The following LINGO2 variants were observed in gnomAD, a reference collection of about 807,000 sequenced individuals.
LINGO2 encodes leucine rich repeat and Ig domain containing 2, also known as leucine-rich repeat and immunoglobulin-like domain-containing nogo receptor-interacting protein 2.
A neutral mutation model predicts 30.6 loss-of-function variants in LINGO2; 14 were observed. The ratio of observed to expected loss-of-function variants is 0.46; its 90% confidence interval spans 0.30 to 0.72. The LOEUF (loss-of-function observed/expected upper bound fraction) is 0.72. Ranked by LOEUF, LINGO2 falls within the 30% of genes least tolerant of loss-of-function variation. LINGO2 has a pLI of 0.07. For synonymous variants in LINGO2, 317 were observed against 288.5 expected (o/e 1.10, Z -1.00); for missense variants, 729 against 751.7 (o/e 0.97, Z 0.35).
intron 4 of LINGO2, among the ~76,000 whole-genome samples, chr9:28,186,970 G>A (rs1014674585): frequency 2.6e-5 from 4 of 152,096 alleles, no homozygotes; most frequent in Non-Finnish European, 5.9e-5. Context: ...GCCAAAAAGT[G>A]ACATGATCTC....
chr9:28,548,278 C>T (rs1455326727), intron 1 of LINGO2, among the ~76,000 whole-genome samples: 2 of 152,100 alleles, frequency 1.3e-5, no homozygotes, highest in African/African-American at 4.8e-5. Flanking sequence ...GGGGCTTACA[C>T]CTGTTTGAGG....
At chr9:28,218,799 G>A (rs1052380851) in intron 4 of LINGO2, among the ~76,000 whole-genome samples, 2 of 152,090 alleles carry the variant, frequency 1.3e-5, no homozygotes, top group Admixed American at 6.6e-5. Context: ...ATGAGACCCT[G>A]ATATGCTAAT....
At chr9:28,875,805 A>G in the LINGO2 span, among the ~76,000 whole-genome samples, 1,208 of 152,208 alleles carry the variant, frequency 7.9e-3, 21 homozygotes, top group African/African-American at 0.028. Flanking sequence ...AGATTCTCTT[A>G]TTTGAATGTG....
chr9:28,150,882 A>G (rs978027459), intron 4 of LINGO2, among the ~76,000 whole-genome samples: 6 of 152,236 alleles, frequency 3.9e-5, no homozygotes, highest in African/African-American at 1.2e-4. Context: ...AAACAGGTCA[A>G]TAATCATAGA....
chr9:28,170,409 G>A (rs1828551033), intron 4 of LINGO2, among the ~76,000 whole-genome samples: 1 of 152,166 alleles, frequency 6.6e-6, no homozygotes, highest in South Asian at 2.1e-4. Context: ...TCAGTGGCAG[G>A]AAAACAGCTA....
the LINGO2 span, among the ~76,000 whole-genome samples, chr9:28,894,665 A>T: frequency 0.85 from 129,197 of 151,724 alleles, 55,187 homozygotes; most frequent in Non-Finnish European, 0.89. Flanking sequence ...TTACATTTTA[A>T]TAATATATAA....
chr9:28,213,870 C>T (rs1441948246), intron 4 of LINGO2, among the ~76,000 whole-genome samples: 2 of 151,364 alleles, frequency 1.3e-5, no homozygotes, highest in African/African-American at 2.4e-5. Context: ...AATGGCAATC[C>T]TTTAGCTTGC....
intron 3 of LINGO2, among the ~76,000 whole-genome samples, chr9:28,342,947 A>C (rs1284083902): frequency 6.6e-6 from 1 of 152,134 alleles, no homozygotes; most frequent in East Asian, 1.9e-4. Context: ...GAGTGGCTTT[A>C]TCATGAGACA....
chr9:28,744,954 T>G, the LINGO2 span, among the ~76,000 whole-genome samples: 1 of 151,978 alleles, frequency 6.6e-6, no homozygotes, highest in Admixed American at 6.6e-5. Flanking sequence ...TATTTTATTC[T>G]AACTACCCAG....
chr9:28,918,719 G>A, the LINGO2 span, among the ~76,000 whole-genome samples: 1 of 152,114 alleles, frequency 6.6e-6, no homozygotes, highest in African/African-American at 2.4e-5. Context: ...CGTTCCAAAT[G>A]TCTTTTTGCC....
intron 1 of LINGO2, among the ~76,000 whole-genome samples, chr9:28,557,589 C>T (rs867948363): frequency 3.4e-4 from 52 of 151,946 alleles, no homozygotes; most frequent in Non-Finnish European, 5.9e-4. Flanking sequence ...GTCAGTGTGG[C>T]GATTCCTCAG....
chr9:29,059,935 G>T, the LINGO2 span, among the ~76,000 whole-genome samples: 1 of 151,978 alleles, frequency 6.6e-6, no homozygotes, highest in Admixed American at 6.6e-5. Flanking sequence ...CAGCTGAATG[G>T]CAGGGTAAGC....
chr9:28,289,294 G>C (rs961691572), intron 4 of LINGO2, among the ~76,000 whole-genome samples: 3 of 152,106 alleles, frequency 2.0e-5, no homozygotes, highest in African/African-American at 7.2e-5. Flanking sequence ...CTTTAACCAT[G>C]AAAACATACT....
At chr9:28,314,098 C>A (rs1162378478) in intron 3 of LINGO2, among the ~76,000 whole-genome samples, 1 of 152,168 alleles carries the variant, frequency 6.6e-6, no homozygotes, top group Non-Finnish European at 1.5e-5. Flanking sequence ...CCTCGCCCGG[C>A]TAATTTTTTG....
intron 1 of LINGO2, among the ~76,000 whole-genome samples, chr9:28,663,529 G>A (rs529153368): frequency 6.6e-6 from 1 of 152,154 alleles, no homozygotes; most frequent in South Asian, 2.1e-4. Flanking sequence ...TGCAACAAAG[G>A]CAAACAACAA....
chr9:28,872,769 A>C, the LINGO2 span, among the ~76,000 whole-genome samples: 1 of 152,148 alleles, frequency 6.6e-6, no homozygotes, highest in Non-Finnish European at 1.5e-5. Context: ...CTGCACCTAC[A>C]ATCTTGCTAC....
intron 1 of LINGO2, among the ~76,000 whole-genome samples, chr9:28,626,130 G>C (rs1826662286): frequency 6.6e-6 from 1 of 152,080 alleles, no homozygotes; most frequent in Non-Finnish European, 1.5e-5. Flanking sequence ...TTGTTGCACA[G>C]TTTTATCTCA....
intron 4 of LINGO2, among the ~76,000 whole-genome samples, chr9:28,038,879 T>C (rs768524731): frequency 2.0e-5 from 3 of 152,266 alleles, no homozygotes; most frequent in Non-Finnish European, 2.9e-5. Flanking sequence ...TATTTGTTTC[T>C]GTATTCACTT....
chr9:29,065,748 C>T, the LINGO2 span, among the ~76,000 whole-genome samples: 2 of 151,894 alleles, frequency 1.3e-5, no homozygotes, highest in Non-Finnish European at 2.9e-5. Flanking sequence ...TATGAATATG[C>T]TAAATTTCCA....
Sources: allele counts gnomAD v4.1 joint callset (sites outside exome capture counted in the v4.1 genomes callset), GRCh38; gene constraint gnomAD v4.1.1; transcripts MANE v1.5; gene names NCBI Gene and HGNC (gene_info 2026-07-23, HGNC 2026-07-21).